USP47: variants seen among roughly 807,000 people sequenced by gnomAD.
USP47 encodes the protein ubiquitin carboxyl-terminal hydrolase 47.
Under a neutral mutation model 165.1 loss-of-function variants are expected in USP47, and 35 were observed. That is an observed-to-expected ratio of 0.21 (90% CI 0.16 to 0.28). The LOEUF is 0.28. Among genes scored for constraint, USP47 ranks in the 10% least tolerant of loss-of-function variants. The probability of loss-of-function intolerance (pLI) is 1.00; values close to 1 mark genes in which losing one functional copy is unlikely to be tolerated. For missense variants in USP47, 1,277 were observed against 1,607.4 expected (o/e 0.79, Z 3.52); for synonymous variants, 531 against 544.5 (o/e 0.98, Z 0.35).
At chr11:11,893,909 C>T (rs1564868337) in intron 4 of USP47, among the ~76,000 whole-genome samples, 2 of 152,122 alleles carry the variant, frequency 1.3e-5, no homozygotes, top group African/African-American at 4.8e-5. Context: ...ATAATTTCCT[C>T]ATAGCTAGTT....
intron 1 of USP47, 107 bp downstream of exon 1, chr11:11,842,331 G>C: frequency 3.0e-6 from 4 of 1,314,954 alleles, no homozygotes; most frequent in Admixed American, 4.9e-5. Context: ...AGGCTCGGCT[G>C]TGGGGGAATG....
At position 11,930,610 on chromosome 11, in the gene USP47, A is replaced by G. The variant is rs1172626988; in HGVS notation, c.1596-86A>G. The G allele has an allele frequency of 6.8e-6, 7 of 1,036,544 alleles. No individual in the cohort carries two copies. The East Asian group carries it at 1.5e-4, about 23-fold the overall frequency. The allele number at this position is 1,036,544 out of a possible 1,614,324, so 64.2% of individuals were successfully genotyped here. On this transcript the variant is annotated intron_variant, in intron 13 of 27. Transcript: ENST00000527733. ...TGATTTTCTAATTGTTTTTTAAAAA[A>G]TCACAATTTAAATATTTCATGCTTA...
chr11:11,930,204 C>A, intron 13 of USP47, 84 bp downstream of exon 13: 2 of 1,302,906 alleles, frequency 1.5e-6, no homozygotes, highest in Non-Finnish European at 2.2e-6. Flanking sequence ...AAGATTTAAC[C>A]AAGGGATTGA....
chr11:11,931,768 T>TAAA (rs1854684760), intron 14 of USP47, among the ~76,000 whole-genome samples: 1 of 152,212 alleles, frequency 6.6e-6, no homozygotes, highest in Admixed American at 6.5e-5. Context: ...TTCCCCTTTT[T>TAAA]AATGCCAAAT....
chr11:11,924,421 A>G (rs1854088427), intron 11 of USP47, among the ~76,000 whole-genome samples: 1 of 152,116 alleles, frequency 6.6e-6, no homozygotes, highest in Non-Finnish European at 1.5e-5. Flanking sequence ...ATTGATCTGT[A>G]GTTTTCCTTT....
chr11:11,899,648 A>G (rs1396934420), intron 5 of USP47, among the ~76,000 whole-genome samples: 2 of 152,090 alleles, frequency 1.3e-5, no homozygotes, highest in East Asian at 1.9e-4. Context: ...CAAGCCCTCT[A>G]AAGATTTACA....
At position 11,944,604 on chromosome 11, in the gene USP47, C is replaced by T. The variant is rs140859358; in HGVS notation, c.3091+1492C>T. Among the ~76,000 whole-genome samples the T allele has an allele frequency of 7.1e-3, 1,081 of 152,132 alleles. 9 individuals carry two copies. The highest frequency in any genetic ancestry group is 0.021 in the African/African-American group (879 of 41,508). ...ATTGTTAGACCGTTTTCACTGATGACGAAACTGGTCAAACAGATTAAGTAA... is the reference window on the plus strand; with the variant it reads ...ATTGTTAGACCGTTTTCACTGATGATGAAACTGGTCAAACAGATTAAGTAA... On this transcript the variant is annotated intron_variant, in intron 20 of 27. Transcript: ENST00000527733.
Position 11,938,140 on chromosome 11 carries a change from C to G in USP47, c.2078-117C>G, listed in dbSNP as rs1855208764. On this transcript the variant is annotated intron_variant, in intron 17 of 27. Transcript: ENST00000527733. ...TATATTTATTCAGTGTTGTTTTCAT[C>G]TGTACTTGGAAGTTTGGATTTGTCA... 6.7e-6 allele frequency: 5 copies of G among 750,920 alleles called. No individual in the cohort carries two copies. In the South Asian group the frequency reaches 9.2e-5, roughly 14 times the overall value. The allele number at this position is 750,920 out of a possible 1,614,324, so 46.5% of individuals were successfully genotyped here.
At chr11:11,927,268 C>T (rs541645235) in intron 11 of USP47, among the ~76,000 whole-genome samples, 1 of 152,018 alleles carries the variant, frequency 6.6e-6, no homozygotes, top group African/African-American at 2.4e-5. Flanking sequence ...CATGATATGC[C>T]TAAACATGGG....
At chr11:11,927,320 G>C (rs1854322692) in intron 11 of USP47, among the ~76,000 whole-genome samples, 1 of 151,918 alleles carries the variant, frequency 6.6e-6, no homozygotes, top group African/African-American at 2.4e-5. Context: ...TGGTTTATTG[G>C]GCAGGATGGG....
intron 20 of USP47, among the ~76,000 whole-genome samples, chr11:11,947,509 A>C (rs1450854802): frequency 6.6e-6 from 1 of 152,202 alleles, no homozygotes; most frequent in African/African-American, 2.4e-5. Context: ...ACATTGCAAC[A>C]CTCAGGTGGG....
intron 16 of USP47, among the ~76,000 whole-genome samples, chr11:11,935,675 T>C (rs1479265347): frequency 1.3e-5 from 2 of 152,008 alleles, no homozygotes; most frequent in Non-Finnish European, 2.9e-5. Context: ...TCTAGGAGGC[T>C]TATTTCCTAT....
intron 1 of USP47, among the ~76,000 whole-genome samples, chr11:11,872,284 A>G (rs1034171540): frequency 3.3e-5 from 5 of 152,126 alleles, no homozygotes; most frequent in African/African-American, 1.2e-4. Context: ...CACAGCATGG[A>G]GGCTGGGTTC....
intron 20 of USP47, among the ~76,000 whole-genome samples, chr11:11,945,409 G>A (rs1590443849): frequency 1.3e-5 from 2 of 152,156 alleles, no homozygotes; most frequent in South Asian, 2.1e-4. Flanking sequence ...CACAGTATAC[G>A]CAGTTCACTC....
At chr11:11,950,272 T>C in intron 23 of USP47, 92 bp from the exon 24 acceptor site, 3 of 871,522 alleles carry the variant, frequency 3.4e-6, no homozygotes, top group African/African-American at 3.4e-5. Context: ...TATTTGAACA[T>C]AGTTCATTTT....
In USP47 at chr11:11,845,067, G is replaced by A. The variant is rs76883184; in HGVS notation, c.39+2843G>A. ...ATAGTCTGTGACACATGAAAATAAT[G>A]TGTAATTCAAATTTTAGTCTTGAAA... On this transcript the variant is annotated intron_variant, in intron 1 of 27. Transcript: ENST00000527733. 3.7e-4 allele frequency among the ~76,000 whole-genome samples: 57 copies of A among 152,290 alleles called. 1 individual carries two copies. The South Asian group carries it at 0.011, about 30-fold the overall frequency.
In USP47 at chr11:11,942,987, CAGA is replaced by C. The variant is rs762279106; in HGVS notation, c.2973_2975del (p.Glu991del). 10 of 1,613,378 alleles carry C rather than the reference CAGA, an allele frequency of 6.2e-6. No individual in the cohort carries two copies. The highest frequency in any genetic ancestry group is 1.7e-5 in the Admixed American group (1 of 59,902). On this transcript the variant is annotated inframe_deletion, in exon 20 of 28. Coordinates refer to ENST00000527733, the MANE Select transcript of USP47 (RefSeq NM_001282659.2). Reference sequence around the variant, plus strand: ...GGGAAAAAAGAAACATGGGATACAGCAGAAGAAGACTCTGGAACTGATAGTGAA... The same window carrying C: ...GGGAAAAAAGAAACATGGGATACAGCAGAAGACTCTGGAACTGATAGTGAA...
At chr11:11,904,382 T>C (rs1024696848) in intron 7 of USP47, among the ~76,000 whole-genome samples, 9 of 152,312 alleles carry the variant, frequency 5.9e-5, no homozygotes, top group Non-Finnish European at 1.2e-4. Context: ...TTTGAAGAAA[T>C]GTAAGTTTAT....
intron 3 of USP47, among the ~76,000 whole-genome samples, chr11:11,891,673 A>G (rs1256102320): frequency 1.3e-5 from 2 of 152,174 alleles, no homozygotes; most frequent in East Asian, 1.9e-4. Flanking sequence ...ACCAACAATA[A>G]TTGTGTGTCC....
Sources: gnomAD v4.1 joint callset for allele counts (sites outside exome capture counted in the v4.1 genomes callset) on GRCh38, gnomAD v4.1.1 for gene constraint, MANE v1.5 for transcripts, NCBI Gene and HGNC (gene_info 2026-07-23, HGNC 2026-07-21) for gene names.